Variants in GRIP1 observed in about 807,000 individuals in gnomAD.
GRIP1 encodes glutamate receptor-interacting protein 1.
A neutral mutation model predicts 129.9 loss-of-function variants in GRIP1; 45 were observed. The ratio of observed to expected loss-of-function variants is 0.35; its 90% CI spans 0.27 to 0.44. The LOEUF is 0.44. Among genes scored for constraint, GRIP1 ranks in the 20% least tolerant of loss-of-function variants. The pLI is 1.00. For missense variants in GRIP1, 1,196 were observed against 1,396.8 expected (o/e 0.86, Z 2.29); for synonymous variants, 530 against 520.8 (o/e 1.02, Z -0.24).
At chr12:66,627,772 C>T (rs1000880571) in intron 1 of GRIP1, among the ~76,000 whole-genome samples, 2 of 152,014 alleles carry the variant, frequency 1.3e-5, no homozygotes. Context: ...TAGCAGGACT[C>T]GACTTGAGGC....
At chr12:66,832,805 T>C (rs780445713) in intron 1 of GRIP1, among the ~76,000 whole-genome samples, 1 of 152,210 alleles carries the variant, frequency 6.6e-6, no homozygotes, top group Non-Finnish European at 1.5e-5. Flanking sequence ...AGTGATATCC[T>C]GGTAAGTAAA....
At chr12:66,931,466 T>C (rs1220772252) in intron 1 of GRIP1, among the ~76,000 whole-genome samples, 1 of 152,174 alleles carries the variant, frequency 6.6e-6, no homozygotes, top group Non-Finnish European at 1.5e-5. Context: ...TAGGGCATGC[T>C]TGTTGAGGAA....
Position 66,445,264 on chromosome 12 carries a change from G to A in GRIP1, c.1541+58C>T. On this transcript the variant is annotated intron_variant, in intron 12 of 24. Coordinates refer to ENST00000359742, the MANE Select transcript of GRIP1 (RefSeq NM_001366722.1). ...TTTCATAATTTACTAGCCATTCAAA[G>A]ATAGCAGGTACCAGAAACGCAGAGC... 2.3e-6 allele frequency: 3 copies of A among 1,326,520 alleles called. No individual in the cohort carries two copies. The South Asian group carries it at 3.5e-5, about 16-fold the overall frequency. The allele number at this position is 1,326,520 out of a possible 1,614,324, so 82.2% of individuals were successfully genotyped here.
At chr12:66,900,389 C>A (rs962136874) in intron 1 of GRIP1, among the ~76,000 whole-genome samples, 2 of 152,138 alleles carry the variant, frequency 1.3e-5, no homozygotes, top group African/African-American at 4.8e-5. Context: ...GGACAGAGGG[C>A]AAACACTGCC....
chr12:67,016,338 T>C (rs564945967), intron 1 of GRIP1, among the ~76,000 whole-genome samples: 28 of 152,242 alleles, frequency 1.8e-4, no homozygotes, highest in Admixed American at 3.9e-4. Context: ...CAAAAAACCA[T>C]AGAACAGATA....
At position 66,541,921 on chromosome 12, in the gene GRIP1, G is replaced by T; in HGVS notation, c.166C>A (p.Leu56Met). The change falls in exon 3 of 25, where the codon CTG becomes ATG. Residue 56 changes from leucine to methionine, a missense_variant. By Grantham distance (15) the Leu-to-Met change is conservative (BLOSUM62 2). This residue lies in a region of GRIP1 where 217 missense variants were observed against 224.8 expected (regional missense o/e 0.97). Transcript: ENST00000359742. ...EEFKGSTVVE[L>M]MKKEGTTLGL... ...AGGGTAGTGCCTTCCTTCTTCATCA[G>T]CTCGACGACTGTGGAGCCCTTGAAT... 3 of 1,613,904 alleles carry T rather than the reference G, an allele frequency of 1.9e-6. No individual in the cohort carries two copies. Among genetic ancestry groups the T allele is most frequent in the Non-Finnish European group, 2.5e-6 (3 of 1,179,814 alleles).
At chr12:67,023,156 T>C (rs193094561) in intron 1 of GRIP1, among the ~76,000 whole-genome samples, 1 of 152,342 alleles carries the variant, frequency 6.6e-6, no homozygotes, top group Non-Finnish European at 1.5e-5. Flanking sequence ...CATTAATTTG[T>C]GTGTGTTTAG....
At chr12:66,594,092 A>AAG (rs2063950125) in intron 2 of GRIP1, among the ~76,000 whole-genome samples, 1 of 148,574 alleles carries the variant, frequency 6.7e-6, no homozygotes, top group African/African-American at 2.4e-5. Context: ...AAAAAAAAAA[A>AAG]GATTTCAGCC....
intron 1 of GRIP1, among the ~76,000 whole-genome samples, chr12:66,912,069 G>A (rs1487768000): frequency 6.6e-6 from 1 of 152,018 alleles, no homozygotes; most frequent in Admixed American, 6.6e-5. Context: ...TTACATTTTA[G>A]TTTTACTTTG....
chr12:66,910,050 T>C (rs977098906), intron 1 of GRIP1, among the ~76,000 whole-genome samples: 6 of 152,198 alleles, frequency 3.9e-5, no homozygotes, highest in African/African-American at 1.4e-4. Context: ...TAATGGACTT[T>C]CAAGGTTGAA....
In GRIP1 at chr12:66,713,627, G is replaced by A. The variant is rs139232800; in HGVS notation, c.-419-83291C>T. Among the ~76,000 whole-genome samples the A allele has an allele frequency of 3.7e-3, 558 of 152,072 alleles. 4 individuals are homozygous for A. The highest frequency in any genetic ancestry group is 0.032 in the South Asian group (153 of 4,810). ...CTCCACTGTCCATCACCCACCAGAC[G>A]CATCCTTTGTTACTCGACTCCAGTG... On this transcript the variant is annotated intron_variant, in intron 1 of 4. Transcript: ENST00000538373.
At chr12:66,896,617 C>G (rs2040754152) in intron 1 of GRIP1, among the ~76,000 whole-genome samples, 1 of 152,034 alleles carries the variant, frequency 6.6e-6, no homozygotes, top group African/African-American at 2.4e-5. Context: ...ATATGAATGG[C>G]TACCCCTTCC....
intron 1 of GRIP1, among the ~76,000 whole-genome samples, chr12:66,654,991 T>C (rs2136162772): frequency 6.6e-6 from 1 of 152,366 alleles, no homozygotes; most frequent in South Asian, 2.1e-4. Context: ...ATTACCTCTT[T>C]AAAGTATTGT....
intron 14 of GRIP1, among the ~76,000 whole-genome samples, chr12:66,427,821 G>T (rs1358095441): frequency 6.6e-6 from 1 of 152,116 alleles, no homozygotes; most frequent in African/African-American, 2.4e-5. Context: ...TTTAGACAAA[G>T]CCCTGCTTCT....
intron 1 of GRIP1, among the ~76,000 whole-genome samples, chr12:66,651,229 C>A (rs935923656): frequency 2.0e-5 from 3 of 152,092 alleles, no homozygotes; most frequent in African/African-American, 7.2e-5. Context: ...AATTTCATTC[C>A]CTGTATCCAT....
chr12:66,742,941 C>T (rs2036833347), intron 1 of GRIP1, among the ~76,000 whole-genome samples: 1 of 152,012 alleles, frequency 6.6e-6, no homozygotes. Context: ...CAGTACATAC[C>T]TCTCTGTCAT....
At chr12:66,412,665 C>A (rs2057443622) in intron 15 of GRIP1, among the ~76,000 whole-genome samples, 1 of 152,036 alleles carries the variant, frequency 6.6e-6, no homozygotes, top group Admixed American at 6.6e-5. Flanking sequence ...GATAAATGCC[C>A]CAGTTAAAAG....
At chr12:67,038,453 C>G (rs752508500) in intron 1 of GRIP1, among the ~76,000 whole-genome samples, 2 of 152,164 alleles carry the variant, frequency 1.3e-5, no homozygotes, top group Non-Finnish European at 2.9e-5. Context: ...TCACAATGTA[C>G]ATTGATATAA....
chr12:66,490,382 G>T (rs2060072831), intron 7 of GRIP1, among the ~76,000 whole-genome samples: 1 of 152,172 alleles, frequency 6.6e-6, no homozygotes, highest in African/African-American at 2.4e-5. Flanking sequence ...ATGGGGAAAG[G>T]ATTCCTTATT....
Sources: allele counts gnomAD v4.1 joint callset (sites outside exome capture counted in the v4.1 genomes callset), GRCh38; gene constraint gnomAD v4.1.1; regional missense constraint gnomAD v4.1.1; transcripts MANE v1.5; gene names NCBI Gene and HGNC (gene_info 2026-07-23, HGNC 2026-07-21).